Variants in OR10D3 observed in about 807,000 individuals in gnomAD.
The protein encoded by OR10D3 is olfactory receptor family 10 subfamily D member 3.
For synonymous variants in OR10D3, 100 were observed against 57.6 expected (o/e 1.74, Z -3.33); for missense variants, 286 against 153.7 (o/e 1.86, Z -4.55).
intron 1 of OR10D3, among the ~76,000 whole-genome samples, chr11:124,184,787 C>A (rs561527956): frequency 1.3e-5 from 2 of 152,270 alleles, no homozygotes; most frequent in South Asian, 2.1e-4. Context: ...AGGGATCAAC[C>A]TTTATGATTC....
Position 124,185,591 on chromosome 11 carries a change from G to A in OR10D3, c.322G>A (p.Gly108Arg), listed in dbSNP as rs200837617. ...CCAGCTTTTCTTCTTCCATTTCCTCGGGAGCATTGAGTGCTTCTTGTTTAC... is the reference window on the plus strand; with the variant it reads ...CCAGCTTTTCTTCTTCCATTTCCTCAGGAGCATTGAGTGCTTCTTGTTTAC... Residue 108 changes from glycine to arginine, a missense_variant, in exon 2 of 2, where the codon GGG (glycine) becomes AGG (arginine). Physicochemically the swap from Gly to Arg is moderately radical, Grantham distance 125. Transcript: ENST00000641351. The A allele has an allele frequency of 5.5e-5, 39 of 703,314 alleles. 1 individual carries two copies. The highest frequency in any genetic ancestry group is 1.0e-4 in the African/African-American group (6 of 57,204). 43.6% of individuals were successfully genotyped at this position (703,314 alleles called of 1,614,324 possible). A position where few individuals can be genotyped will look rare whatever the true frequency, so the allele number is the denominator to read the frequency against.
rs905323549 is a variant in OR10D3 at position 124,185,460 on chromosome 11, G to C, written c.191G>C (p.Gly64Ala). The stretch of plus-strand genomic sequence containing the variant: ...CACACACCTATGTATTTCTTCCTGG[G>C]AAACTTGTCTGTGTTTGACATGGGT... Residue 64 changes from glycine to alanine, a missense_variant, in exon 2 of 2, where the codon GGA (glycine) becomes GCA (alanine). Coordinates refer to ENST00000641351, the Ensembl canonical transcript of OR10D3. 7 of 702,954 alleles carry C rather than the reference G, an allele frequency of 1.0e-5. No individual in the cohort carries two copies. The African/African-American group carries it at 1.2e-4, about 12-fold the overall frequency. 43.5% of individuals were successfully genotyped at this position (702,954 alleles called of 1,614,324 possible).
chr11:124,185,633 C>G (rs568213379), exon 2 of OR10D3: 1 of 703,542 alleles, frequency 1.4e-6, no homozygotes, highest in South Asian at 1.5e-5. Flanking sequence ...GGCCTATGAC[C>G]GCTTCACTGC....
At chr11:124,185,398 G>A (rs1565302129) in exon 2 of OR10D3, 2 of 703,142 alleles carry the variant, frequency 2.8e-6, no homozygotes, top group Non-Finnish European at 5.2e-6. Flanking sequence ...TGGGAAATGT[G>A]TCTATCCTTG....
chr11:124,185,655 C>G (rs1163349591), exon 2 of OR10D3: 4 of 703,522 alleles, frequency 5.7e-6, no homozygotes, highest in African/African-American at 1.7e-5. Context: ...ATCTGTTATC[C>G]TCTGCGATAC....
exon 2 of OR10D3, chr11:124,187,726 TTAG>T (rs1861242321): frequency 6.6e-6 from 1 of 152,190 alleles, no homozygotes; most frequent in Non-Finnish European, 1.5e-5. Flanking sequence ...TATAATTGTC[TTAG>T]TAGCCTCTTC....
intron 1 of OR10D3, among the ~76,000 whole-genome samples, chr11:124,184,591 T>A (rs1861198139): frequency 6.6e-6 from 1 of 152,052 alleles, no homozygotes; most frequent in South Asian, 2.1e-4. Flanking sequence ...GAAAGACTGA[T>A]GTTTAAAAAG....
intron 1 of OR10D3, 52 bp from the exon 2 acceptor site, chr11:124,185,207 A>G: frequency 1.6e-6 from 1 of 633,790 alleles, no homozygotes; most frequent in East Asian, 2.7e-5. Flanking sequence ...CACTTGATTG[A>G]CAGCAAGCCA....
chr11:124,183,544 T>TTCCCTCCC (rs1861187594), intron 1 of OR10D3, among the ~76,000 whole-genome samples, 161 bp downstream of exon 1: 1 of 95,138 alleles, frequency 1.1e-5, no homozygotes, highest in Non-Finnish European at 2.0e-5. Flanking sequence ...CCCTGCCTCC[T>TTCCCTCCC]TCCCTCCTTC....
At chr11:124,183,420 C>G (rs969741644) in intron 1 of OR10D3, 37 bp downstream of exon 1, 1 of 77,176 alleles carries the variant, frequency 1.3e-5, no homozygotes, top group African/African-American at 4.8e-5. Flanking sequence ...CTCTTTCTCT[C>G]TCTTTCTTTC....
At chr11:124,186,786 A>G (rs1861231763) in exon 2 of OR10D3, 2 of 152,344 alleles carry the variant, frequency 1.3e-5, no homozygotes, top group African/African-American at 4.8e-5. Flanking sequence ...ATTTTTAGGC[A>G]GATTGGGTTA....
chr11:124,183,436 C>CTCTTTCTCTCTCTTTCTCTCTCTT (rs1861184887), intron 1 of OR10D3, 53 bp downstream of exon 1: 1 of 143,186 alleles, frequency 7.0e-6, no homozygotes, highest in Admixed American at 6.8e-5. Context: ...CTTTCTCTCT[C>CTCTTTCTCTCTCTTTCTCTCTCTT]TCTTTCTCTC....
chr11:124,186,523 T>A, exon 2 of OR10D3: 1 of 170,798 alleles, frequency 5.9e-6, no homozygotes, highest in Non-Finnish European at 1.2e-5. Flanking sequence ...TTTGCATCAC[T>A]TTTCTCAATT....
exon 2 of OR10D3, chr11:124,188,245 G>C (rs1408776130): frequency 3.9e-5 from 6 of 152,258 alleles, no homozygotes; most frequent in Admixed American, 3.9e-4. Context: ...CAAAAAAGAA[G>C]GGCCACACAG....
chr11:124,186,088 A>G, exon 2 of OR10D3: 1 of 703,240 alleles, frequency 1.4e-6, no homozygotes, highest in Non-Finnish European at 2.6e-6. Context: ...CCGTGGTACA[A>G]ATTCTCATGA....
chr11:124,183,499 T>C (rs1261878699), intron 1 of OR10D3, 116 bp downstream of exon 1: 3 of 151,050 alleles, frequency 2.0e-5, no homozygotes, highest in Non-Finnish European at 4.4e-5. Flanking sequence ...TCTTTTTTTT[T>C]CTTTCTTTCC....
chr11:124,184,433 A>AT (rs1861196462), intron 1 of OR10D3: 1 of 152,126 alleles, frequency 6.6e-6, no homozygotes, highest in South Asian at 2.1e-4. Flanking sequence ...ATATATATTG[A>AT]TTTTCCATTG....
At chr11:124,184,882 T>G (rs1393248602) in intron 1 of OR10D3, among the ~76,000 whole-genome samples, 1 of 152,184 alleles carries the variant, frequency 6.6e-6, no homozygotes, top group African/African-American at 2.4e-5. Context: ...GGTTCATATC[T>G]CCAGTGATAT....
chr11:124,185,683 A>G (rs1368959564), exon 2 of OR10D3: 1 of 703,586 alleles, frequency 1.4e-6, no homozygotes, highest in Non-Finnish European at 2.6e-6. Context: ...TCATGAACCC[A>G]AGGATCTGTG....
Sources: gnomAD v4.1 joint callset for allele counts (sites outside exome capture counted in the v4.1 genomes callset) on GRCh38, gnomAD v4.1.1 for gene constraint, MANE v1.5 for transcripts, NCBI Gene and HGNC (gene_info 2026-07-23, HGNC 2026-07-21) for gene names.